ARHGEF26: variants seen among roughly 807,000 people sequenced by gnomAD.
The protein encoded by ARHGEF26 is Rho guanine nucleotide exchange factor 26.
Under a neutral mutation model 89.4 loss-of-function variants are expected in ARHGEF26, and 59 were observed. That is an observed-to-expected ratio of 0.66 (90% CI 0.54 to 0.82). The LOEUF (loss-of-function observed/expected upper bound fraction) is 0.82. ARHGEF26 is among the 40% of genes least tolerant of loss of function. The pLI is 0.00. For missense variants in ARHGEF26, 1,234 were observed against 1,085.6 expected (o/e 1.14, Z -1.92); for synonymous variants, 500 against 428.4 (o/e 1.17, Z -2.06).
chr3:154,240,500 G>A lies in ARHGEF26; in HGVS notation c.2221G>A (p.Ala741Thr). The A allele has an allele frequency of 3.7e-6, 6 of 1,613,288 alleles. No individual in the cohort carries two copies. Among genetic ancestry groups the A allele is most frequent in the Middle Eastern group, 1.7e-4 (1 of 6,054 alleles). The change falls in exon 12 of 15, where the codon GCC (alanine) becomes ACC (threonine). Residue 741 changes from alanine to threonine, a missense_variant. By Grantham distance (58) the Ala-to-Thr change is moderately conservative. Coordinates refer to ENST00000465093, the MANE Select transcript of ARHGEF26 (RefSeq NM_015595.4). ...AATGCTCTATTCAAGACAGAGCTCT[G>A]CCAGTCACCTCTTTACTCTGACAGT... is the stretch of plus-strand genomic sequence containing the variant. Reference protein sequence around the residue: ...STMLYSRQSSASHLFTLTVLS... With the variant: ...STMLYSRQSSTSHLFTLTVLS...
At chr3:154,240,693 A>C in intron 12 of ARHGEF26, 114 bp downstream of exon 12, 1 of 928,686 alleles carries the variant, frequency 1.1e-6, no homozygotes, top group East Asian at 2.6e-5. Flanking sequence ...TTTGTTGAGC[A>C]CCTACTGTTC....
intron 12 of ARHGEF26, among the ~76,000 whole-genome samples, chr3:154,244,110 A>G (rs1717646495): frequency 6.6e-6 from 1 of 152,198 alleles, no homozygotes; most frequent in African/African-American, 2.4e-5. Context: ...CTACCATTCT[A>G]GCCTTAAGTA....
chr3:154,199,774 A>G (rs944741034), intron 9 of ARHGEF26, among the ~76,000 whole-genome samples: 4 of 152,092 alleles, frequency 2.6e-5, no homozygotes, highest in African/African-American at 7.2e-5. Context: ...GAATAAGATG[A>G]TATCTCATTG....
At chr3:154,169,455 C>T (rs1295597997) in intron 6 of ARHGEF26, among the ~76,000 whole-genome samples, 1 of 151,988 alleles carries the variant, frequency 6.6e-6, no homozygotes, top group African/African-American at 2.4e-5. Flanking sequence ...ATACTATAAA[C>T]AAGTGTCCTT....
At chr3:154,163,980 CT>C (rs1711827038) in intron 6 of ARHGEF26, among the ~76,000 whole-genome samples, 1 of 152,102 alleles carries the variant, frequency 6.6e-6, no homozygotes, top group Non-Finnish European at 1.5e-5. Flanking sequence ...CCTCCTTAAA[CT>C]ACTTTACAGT....
chr3:154,204,619 T>C lies in ARHGEF26; in HGVS notation c.1845+9901T>C, dbSNP rs542610188. On this transcript the variant is annotated intron_variant, in intron 9 of 14. Transcript: ENST00000465093. The stretch of plus-strand genomic sequence containing the variant: ...TGCTGGGATTATAGGCATGAGCCAC[T>C]GTACCCAGCCTTTTCCTCTTTTTTG... 1.6e-3 allele frequency among the ~76,000 whole-genome samples: 251 copies of C among 152,210 alleles called. 1 individual carries two copies. Among genetic ancestry groups the C allele is most frequent in the African/African-American group, 5.4e-3 (226 of 41,566 alleles).
chr3:154,175,377 C>T (rs1712744909), intron 6 of ARHGEF26, among the ~76,000 whole-genome samples: 1 of 151,898 alleles, frequency 6.6e-6, no homozygotes, highest in South Asian at 2.1e-4. Flanking sequence ...ATTAACTTTC[C>T]AAGGAAATGA....
At chr3:154,188,281 T>G (rs1576754733) in intron 7 of ARHGEF26, among the ~76,000 whole-genome samples, 3 of 152,348 alleles carry the variant, frequency 2.0e-5, no homozygotes, top group Middle Eastern at 3.4e-3. Flanking sequence ...AATAAATTGT[T>G]CATAAAAATT....
At chr3:154,217,224 A>G (rs1160687248) in intron 9 of ARHGEF26, among the ~76,000 whole-genome samples, 1 of 149,612 alleles carries the variant, frequency 6.7e-6, no homozygotes, top group Admixed American at 6.6e-5. Context: ...AATGATTGCC[A>G]TTCTAACTGG....
intron 12 of ARHGEF26, 46 bp downstream of exon 12, chr3:154,240,625 C>G: frequency 1.3e-6 from 2 of 1,503,440 alleles, no homozygotes; most frequent in Non-Finnish European, 1.8e-6. Context: ...TAGTATCTCC[C>G]TGACCTGATT....
intron 7 of ARHGEF26, among the ~76,000 whole-genome samples, chr3:154,188,592 A>G (rs935942354): frequency 6.6e-6 from 1 of 152,180 alleles, no homozygotes; most frequent in Admixed American, 6.5e-5. Context: ...GCACTGCTGT[A>G]AACCCAGTTT....
At chr3:154,151,996 G>A (rs890822732) in intron 5 of ARHGEF26, among the ~76,000 whole-genome samples, 4 of 152,116 alleles carry the variant, frequency 2.6e-5, no homozygotes, top group African/African-American at 9.7e-5. Flanking sequence ...AATTCCTTAC[G>A]CAGGGCATTG....
chr3:154,255,681 C>T lies in ARHGEF26; in HGVS notation c.*208C>T. ...GCACAGCTCAGTTTTTACCTAACCACACACTTGCAGACCTCCTGAGGTACA... is the reference window on the plus strand; with the variant it reads ...GCACAGCTCAGTTTTTACCTAACCATACACTTGCAGACCTCCTGAGGTACA... On this transcript the variant is annotated 3_prime_UTR_variant, in exon 15 of 15. Transcript: ENST00000465093. The T allele has an allele frequency of 7.2e-7, 1 of 1,384,102 alleles. No homozygotes were observed. Among genetic ancestry groups the T allele is most frequent in the Non-Finnish European group, 9.3e-7 (1 of 1,075,494 alleles). 85.7% of individuals were successfully genotyped at this position (1,384,102 alleles called of 1,614,324 possible). A position where few individuals can be genotyped will look rare whatever the true frequency, so the allele number is the denominator to read the frequency against.
intron 11 of ARHGEF26, among the ~76,000 whole-genome samples, chr3:154,233,971 A>G (rs1392404342): frequency 3.9e-5 from 6 of 152,266 alleles, no homozygotes; most frequent in Non-Finnish European, 8.8e-5. Context: ...TAAAAAATAA[A>G]TGTCACTATC....
chr3:154,139,298 C>T (rs938517439), intron 4 of ARHGEF26, among the ~76,000 whole-genome samples: 10 of 152,162 alleles, frequency 6.6e-5, no homozygotes, highest in African/African-American at 2.4e-4. Flanking sequence ...CTTCTCTTAC[C>T]TGCACTCATG....
intron 9 of ARHGEF26, among the ~76,000 whole-genome samples, chr3:154,213,818 A>T (rs909691893): frequency 8.5e-5 from 13 of 152,122 alleles, no homozygotes; most frequent in African/African-American, 1.9e-4. Flanking sequence ...TCTTTTTTTT[A>T]AAAATGACTT....
intron 3 of ARHGEF26, among the ~76,000 whole-genome samples, chr3:154,128,807 C>T (rs1368575438): frequency 6.6e-6 from 1 of 152,172 alleles, no homozygotes; most frequent in African/African-American, 2.4e-5. Flanking sequence ...GTGAGGCCTT[C>T]CTAAACTACC....
chr3:154,246,004 A>G (rs1276036347), intron 12 of ARHGEF26, among the ~76,000 whole-genome samples: 1 of 152,180 alleles, frequency 6.6e-6, no homozygotes, highest in African/African-American at 2.4e-5. Flanking sequence ...ATGAGCTAGG[A>G]TGATGGGAAA....
At chr3:154,128,463 T>C (rs1276872376) in intron 3 of ARHGEF26, among the ~76,000 whole-genome samples, 1 of 152,144 alleles carries the variant, frequency 6.6e-6, no homozygotes, top group Non-Finnish European at 1.5e-5. Flanking sequence ...GGTCTCGAAC[T>C]CCTGACCTCA....
Sources: allele counts gnomAD v4.1 joint callset (sites outside exome capture counted in the v4.1 genomes callset), GRCh38; gene constraint gnomAD v4.1.1; transcripts MANE v1.5; gene names NCBI Gene and HGNC (gene_info 2026-07-23, HGNC 2026-07-21).